Variants in SLC2A12 observed in about 807,000 individuals in gnomAD.
The protein encoded by SLC2A12 is solute carrier family 2, facilitated glucose transporter member 12.
In SLC2A12, 23 loss-of-function variants were observed where a neutral mutation model predicts 41.8. The observed-to-expected ratio is 0.55, with a 90% CI of 0.40 to 0.78. The LOEUF (loss-of-function observed/expected upper bound fraction) is 0.78. Ranked by LOEUF, SLC2A12 falls within the 30% of genes least tolerant of loss-of-function variation. The probability of loss-of-function intolerance (pLI) is 0.00; values close to 1 mark genes in which losing one functional copy is unlikely to be tolerated. For missense variants in SLC2A12, 654 were observed against 745.6 expected, an observed-to-expected ratio of 0.88 and a Z score of 1.43; for synonymous variants, 295 against 285.9, an observed-to-expected ratio of 1.03 and a Z score of -0.32.
intron 2 of SLC2A12, among the ~76,000 whole-genome samples, chr6:134,019,673 A>G (rs1777015559): frequency 6.6e-6 from 1 of 152,218 alleles, no homozygotes; most frequent in South Asian, 2.1e-4. Context: ...CCTCTTCGGT[A>G]GGCTGGTGAA....
At position 133,987,646 on chromosome 6, in the gene SLC2A12, GTGTATA is replaced by G. The variant is rs1562670284; in HGVS notation, c.*3503_*3508del. Reference sequence around the variant, plus strand: ...ATTTTGTGTGTGTGTGTGTGTGTGTGTGTATATATATATATATATATGCACCACATG... The same window carrying G: ...ATTTTGTGTGTGTGTGTGTGTGTGTGTATATATATATATATGCACCACATG... On this transcript the variant is annotated 3_prime_UTR_variant, in exon 5 of 5. Coordinates refer to ENST00000275230, the MANE Select transcript of SLC2A12 (RefSeq NM_145176.3). 1.5e-5 allele frequency: 2 copies of G among 133,332 alleles called. No individual in the cohort carries two copies. The highest frequency in any genetic ancestry group is 2.8e-5 in the African/African-American group (1 of 36,178). The allele number at this position is 133,332 out of a possible 1,614,324, so 8.3% of individuals were successfully genotyped here.
chr6:134,020,653 G>A (rs951259745), intron 2 of SLC2A12, among the ~76,000 whole-genome samples: 1 of 152,142 alleles, frequency 6.6e-6, no homozygotes, highest in African/African-American at 2.4e-5. Context: ...AACACGAGGA[G>A]AATCCATAGC....
Position 133,990,092 on chromosome 6 carries a change from T to A in SLC2A12, c.*1063A>T, listed in dbSNP as rs1776599992. On this transcript the variant is annotated 3_prime_UTR_variant, in exon 5 of 5. Transcript: ENST00000275230. ...CATCGTTGTGTGGGTGAAACCCACGTTGCTGGTACAGGTGGCCATCATAGA... is the reference window on the plus strand; with the variant it reads ...CATCGTTGTGTGGGTGAAACCCACGATGCTGGTACAGGTGGCCATCATAGA... 6.5e-6 allele frequency: 1 copy of A among 152,684 alleles called. No individual in the cohort carries two copies. The highest frequency in any genetic ancestry group is 1.5e-5 in the Non-Finnish European group (1 of 68,048). 9.5% of individuals were successfully genotyped at this position (152,684 alleles called of 1,614,324 possible).
rs1247492759 is a variant in SLC2A12, at chr6:133,987,762, A to C, written c.*3393T>G. On this transcript the variant is annotated 3_prime_UTR_variant, in exon 5 of 5. Coordinates refer to ENST00000275230, the MANE Select transcript of SLC2A12 (RefSeq NM_145176.3). The stretch of plus-strand genomic sequence containing the variant: ...GATTAGAAATAAAAACGTGTATATA[A>C]ACTCTAGGGAACCAGACTAGAAGTT... The C allele has an allele frequency of 1.3e-5, 2 of 152,342 alleles. No individual in the cohort carries two copies. The highest frequency in any genetic ancestry group is 2.9e-5 in the Non-Finnish European group (2 of 67,960). 9.4% of individuals were successfully genotyped at this position (152,342 alleles called of 1,614,324 possible).
In SLC2A12 at chr6:133,989,372, C is replaced by T. The variant is rs1211419828; in HGVS notation, c.*1783G>A. 1 of 152,016 alleles carries T rather than the reference C, an allele frequency of 6.6e-6. No individual in the cohort carries two copies. The highest frequency in any genetic ancestry group is 1.9e-4 in the East Asian group (1 of 5,198). 9.4% of individuals were successfully genotyped at this position (152,016 alleles called of 1,614,324 possible). A position where few individuals can be genotyped will look rare whatever the true frequency, so the allele number is the denominator to read the frequency against. ...TAAAAGAAAAATATAAAAGAATGCT[C>T]AAGATACTGAAGTCAAGGTCACTAG... On this transcript the variant is annotated 3_prime_UTR_variant, in exon 5 of 5. Coordinates refer to ENST00000275230, the MANE Select transcript of SLC2A12 (RefSeq NM_145176.3).
intron 2 of SLC2A12, among the ~76,000 whole-genome samples, chr6:134,013,773 CTT>C (rs1291140939): frequency 6.6e-6 from 1 of 152,158 alleles, no homozygotes; most frequent in Admixed American, 6.5e-5. Context: ...AATAGCTTGA[CTT>C]ATAAAATGAT....
intron 1 of SLC2A12, among the ~76,000 whole-genome samples, chr6:134,030,065 T>C (rs1259251166): frequency 6.6e-6 from 1 of 152,184 alleles, no homozygotes. Context: ...GGTTCATGAC[T>C]TGGCAGTGGA....
chr6:134,029,793 G>A (rs1473887934), intron 1 of SLC2A12, 72 bp from the exon 2 acceptor site: 6 of 1,505,664 alleles, frequency 4.0e-6, no homozygotes, highest in Non-Finnish European at 5.3e-6. Context: ...TTTGAGCGGA[G>A]ATTTAACCTT....
intron 2 of SLC2A12, among the ~76,000 whole-genome samples, chr6:134,024,165 A>G (rs1158614628): frequency 6.6e-6 from 1 of 152,232 alleles, no homozygotes; most frequent in Non-Finnish European, 1.5e-5. Flanking sequence ...CTCTGGGAGA[A>G]GGCAGCAGTT....
chr6:134,014,038 G>A (rs1416804537), intron 2 of SLC2A12, among the ~76,000 whole-genome samples: 1 of 152,190 alleles, frequency 6.6e-6, no homozygotes, highest in Non-Finnish European at 1.5e-5. Flanking sequence ...CATGGAAGGA[G>A]TGCGCTTCAG....
intron 2 of SLC2A12, among the ~76,000 whole-genome samples, chr6:134,018,761 T>TTC (rs1777001664): frequency 6.6e-6 from 1 of 152,098 alleles, no homozygotes; most frequent in East Asian, 1.9e-4. Context: ...TCATTTTTTT[T>TTC]TTCTTTTCGT....
At chr6:134,031,825 GC>G (rs1562201325) in intron 1 of SLC2A12, among the ~76,000 whole-genome samples, 2 of 152,184 alleles carry the variant, frequency 1.3e-5, no homozygotes, top group Non-Finnish European at 2.9e-5. Flanking sequence ...GTATTTGGAA[GC>G]CAGCAGCACA....
intron 2 of SLC2A12, among the ~76,000 whole-genome samples, chr6:134,025,243 T>C (rs1298646629): frequency 6.6e-6 from 1 of 152,194 alleles, no homozygotes; most frequent in East Asian, 1.9e-4. Flanking sequence ...GACTGCCTAT[T>C]CCTGTCTTAG....
At chr6:134,033,176 G>A (rs994332928) in intron 1 of SLC2A12, among the ~76,000 whole-genome samples, 2 of 152,010 alleles carry the variant, frequency 1.3e-5, no homozygotes, top group African/African-American at 2.4e-5. Flanking sequence ...GGGCCTTGTC[G>A]GTCACAGTGA....
chr6:133,992,544 T>C (rs945486450), intron 4 of SLC2A12, among the ~76,000 whole-genome samples: 2 of 152,128 alleles, frequency 1.3e-5, no homozygotes, highest in Admixed American at 6.6e-5. Flanking sequence ...TCAGCATAGT[T>C]GTGTGTTTGA....
chr6:134,041,304 T>C (rs569673666), intron 1 of SLC2A12, among the ~76,000 whole-genome samples: 63 of 152,134 alleles, frequency 4.1e-4, no homozygotes, highest in African/African-American at 1.5e-3. Flanking sequence ...ATCATGGAAA[T>C]TGGAGTCCCT....
At chr6:134,031,028 C>T (rs1777198037) in intron 1 of SLC2A12, among the ~76,000 whole-genome samples, 1 of 152,138 alleles carries the variant, frequency 6.6e-6, no homozygotes, top group Non-Finnish European at 1.5e-5. Flanking sequence ...GTAGCTTAGA[C>T]TTGGGTGTTA....
chr6:133,992,463 A>G (rs1015711737), intron 4 of SLC2A12, among the ~76,000 whole-genome samples: 1 of 152,200 alleles, frequency 6.6e-6, no homozygotes, highest in Non-Finnish European at 1.5e-5. Context: ...CACCAGGGAA[A>G]TGTGGTATAT....
chr6:134,021,902 T>G (rs1171716680), intron 2 of SLC2A12, among the ~76,000 whole-genome samples: 3 of 152,102 alleles, frequency 2.0e-5, no homozygotes, highest in African/African-American at 7.2e-5. Context: ...CCACAACAAG[T>G]GCTTTGTGTG....
Sources: allele counts gnomAD v4.1 joint callset (sites outside exome capture counted in the v4.1 genomes callset), GRCh38; gene constraint gnomAD v4.1.1; transcripts MANE v1.5; gene names NCBI Gene and HGNC (gene_info 2026-07-23, HGNC 2026-07-21).